Variants in CEP350 observed in about 807,000 individuals in gnomAD.
CEP350 encodes centrosome-associated protein 350.
In CEP350, 126 loss-of-function variants were observed where a neutral mutation model predicts 331.8. That is an observed-to-expected ratio of 0.38 (90% CI 0.33 to 0.44). The LOEUF (loss-of-function observed/expected upper bound fraction) is 0.44, where lower values mean the gene tolerates loss of function less well. Ranked by LOEUF, CEP350 falls within the 20% of genes least tolerant of loss-of-function variation. The pLI is 1.00. For missense variants in CEP350, 3,406 were observed against 3,634.6 expected, an observed-to-expected ratio of 0.94 and a Z score of 1.62; for synonymous variants, 1,200 against 1,259.5, an observed-to-expected ratio of 0.95 and a Z score of 1.00.
chr1:180,087,499 C>CTTAAAATATACTATTTTATAAT, intron 31 of CEP350, 79 bp from the exon 32 acceptor site: 1 of 1,289,266 alleles, frequency 7.8e-7, no homozygotes, highest in Non-Finnish European at 1.0e-6. Flanking sequence ...AGCATTTTAC[C>CTTAAAATATACTATTTTATAAT]TTAAAATATA....
intron 37 of CEP350, among the ~76,000 whole-genome samples, chr1:180,106,511 C>T (rs530014553): frequency 1.3e-5 from 2 of 152,304 alleles, no homozygotes; most frequent in South Asian, 4.1e-4. Flanking sequence ...AACTGTAGCT[C>T]TGTCAGTGTC....
intron 1 of CEP350, among the ~76,000 whole-genome samples, chr1:179,974,486 C>T (rs75906782): frequency 0.03 from 4,568 of 152,202 alleles, 119 homozygotes; most frequent in South Asian, 0.07. Context: ...AAGATACAGT[C>T]CTTAAGGACC....
rs546909675 is a variant in CEP350, at chr1:180,093,085, A to G, written c.6980A>G (p.Glu2327Gly). Residue 2327 changes from glutamate to glycine, a missense_variant, in exon 34 of 38, where the codon GAA (glutamate) becomes GGA (glycine). Glu to Gly is a moderately conservative substitution (Grantham distance 98). Transcript: ENST00000367607. ...ATTGAAAATCTCCATAAAAGTGAGG[A>G]AATGTTGAAAGAGAGACAGTCAGAT... ...LAIENLHKSE[E>G]MLKERQSDQD... The G allele has an allele frequency of 1.2e-6, 2 of 1,604,712 alleles. No individual in the cohort carries two copies.
chr1:180,010,833 C>A (rs1281570297), intron 8 of CEP350, among the ~76,000 whole-genome samples: 2 of 152,096 alleles, frequency 1.3e-5, no homozygotes, highest in Admixed American at 1.3e-4. Flanking sequence ...TGGATTCAAA[C>A]TCCTGACCCC....
At chr1:180,061,677 C>A (rs1490529052) in intron 25 of CEP350, among the ~76,000 whole-genome samples, 4 of 152,096 alleles carry the variant, frequency 2.6e-5, no homozygotes, top group Admixed American at 2.6e-4. Flanking sequence ...CAGGGGCAGT[C>A]CTTTTTTGAA....
intron 8 of CEP350, among the ~76,000 whole-genome samples, chr1:180,007,350 C>T (rs146545877): frequency 6.2e-4 from 94 of 152,300 alleles, no homozygotes; most frequent in African/African-American, 2.1e-3. Flanking sequence ...TTGCATTTCT[C>T]TAATGACCAG....
At chr1:180,103,569 TTGTG>T (rs142177168) in intron 37 of CEP350, among the ~76,000 whole-genome samples, 1 of 151,832 alleles carries the variant, frequency 6.6e-6, no homozygotes, top group Admixed American at 6.6e-5. Flanking sequence ...CCATTTAAGA[TTGTG>T]TGTGTGTGTG....
At chr1:180,035,092 T>G (rs1216343876) in intron 16 of CEP350, among the ~76,000 whole-genome samples, 1 of 152,174 alleles carries the variant, frequency 6.6e-6, no homozygotes, top group East Asian at 1.9e-4. Context: ...GGAGAAAGTT[T>G]TAGGGACCAA....
At chr1:180,044,524 G>GT (rs1240215968) in intron 21 of CEP350, among the ~76,000 whole-genome samples, 1 of 151,814 alleles carries the variant, frequency 6.6e-6, no homozygotes, top group Non-Finnish European at 1.5e-5. Context: ...CCTGTCCTTT[G>GT]TAGGGACATG....
intron 1 of CEP350, among the ~76,000 whole-genome samples, chr1:179,962,585 T>A (rs951643177): frequency 6.6e-6 from 1 of 152,100 alleles, no homozygotes; most frequent in Non-Finnish European, 1.5e-5. Context: ...GATTTTTGTA[T>A]TTTTAGTAGA....
rs769585053 is a variant in CEP350, at chr1:180,065,221, C to G, written c.5516C>G (p.Thr1839Ser). The change falls in exon 27 of 38, where the codon ACT (threonine) becomes AGT (serine). Residue 1839 changes from threonine to serine, a missense_variant. Physicochemically the swap from Thr to Ser is moderately conservative, Grantham distance 58. Around this residue, in one of 5 missense-constraint regions of CEP350, gnomAD observed 1,415 missense variants for 1,512.3 expected, o/e 0.94. Coordinates refer to ENST00000367607, the MANE Select transcript of CEP350 (RefSeq NM_014810.5). Reference protein sequence around the residue: ...PSPISISSSETSSIMQKLKKM... With the variant: ...PSPISISSSESSSIMQKLKKM... Reference sequence around the variant, plus strand: ...CCCATTTCAATCTCCAGCAGTGAAACTAGCAGCATTATGCAGAAACTGAAG... The same window carrying G: ...CCCATTTCAATCTCCAGCAGTGAAAGTAGCAGCATTATGCAGAAACTGAAG... 6.2e-7 allele frequency: 1 copy of G among 1,613,726 alleles called. No individual in the cohort carries two copies.
chr1:179,963,988 T>C (rs1179087105), intron 1 of CEP350, among the ~76,000 whole-genome samples: 2 of 152,320 alleles, frequency 1.3e-5, no homozygotes, highest in African/African-American at 4.8e-5. Flanking sequence ...TCATCTGTTA[T>C]TTCCTTCATC....
chr1:180,090,078 AAGAG>A (rs1660079294), intron 32 of CEP350, among the ~76,000 whole-genome samples: 1 of 152,338 alleles, frequency 6.6e-6, no homozygotes, highest in African/African-American at 2.4e-5. Flanking sequence ...TTGAACAAAT[AAGAG>A]AGAGACAAAT....
At chr1:180,110,244 T>A (rs1472562339) in intron 37 of CEP350, among the ~76,000 whole-genome samples, 1 of 152,230 alleles carries the variant, frequency 6.6e-6, no homozygotes, top group African/African-American at 2.4e-5. Flanking sequence ...CATATACAGA[T>A]GTCCCCTACT....
rs946860386 is a variant in CEP350, at chr1:180,019,953, G to A, written c.2179G>A (p.Asp727Asn). Residue 727 changes from aspartate (D) to asparagine (N), a missense_variant, in exon 12 of 38, where the codon GAC becomes AAC. Transcript: ENST00000367607. ...SEPPQPLARK[D>N]LMESTWMQPE... is the part of the protein sequence containing the mutation. The stretch of plus-strand genomic sequence containing the variant: ...TATTGTGACTTTCATTTCCAGAAAA[G>A]ACTTGATGGAATCTACATGGATGCA... 16 of 1,574,442 alleles carry A rather than the reference G, an allele frequency of 1.0e-5. No homozygotes were observed. In the African/African-American group the frequency reaches 1.6e-4, roughly 16 times the overall value.
At chr1:180,004,918 T>TCTTG (rs1654143032) in intron 7 of CEP350, among the ~76,000 whole-genome samples, 1 of 67,252 alleles carries the variant, frequency 1.5e-5, no homozygotes, top group Admixed American at 2.2e-4. Flanking sequence ...TTTCTTTCTT[T>TCTTG]CTTTCTTTCT....
chr1:180,058,030 G>C (rs1657966226), intron 25 of CEP350, among the ~76,000 whole-genome samples: 1 of 152,106 alleles, frequency 6.6e-6, no homozygotes, highest in African/African-American at 2.4e-5. Context: ...AGTGTTGACT[G>C]GTGTAACCAC....
intron 37 of CEP350, among the ~76,000 whole-genome samples, chr1:180,104,623 G>C (rs1661040591): frequency 6.6e-6 from 1 of 151,968 alleles, no homozygotes; most frequent in African/African-American, 2.4e-5. Flanking sequence ...TGTGATTTTG[G>C]GTGAGTTCTC....
chr1:179,970,587 T>C (rs1651369411), intron 1 of CEP350, among the ~76,000 whole-genome samples: 1 of 151,092 alleles, frequency 6.6e-6, no homozygotes. Flanking sequence ...ATCAGAGAAC[T>C]GAAATGTAGC....
Sources: gnomAD v4.1 joint callset for allele counts (sites outside exome capture counted in the v4.1 genomes callset) on GRCh38, gnomAD v4.1.1 for gene constraint, gnomAD v4.1.1 regional missense constraint, MANE v1.5 for transcripts, NCBI Gene and HGNC (gene_info 2026-07-23, HGNC 2026-07-21) for gene names.